FAT4: variants seen among roughly 807,000 people sequenced by gnomAD.
The protein encoded by FAT4 is protocadherin Fat 4.
FAT4 carries 84 observed loss-of-function variants against 303.9 expected under a neutral mutation model. The observed-to-expected ratio is 0.28, with a 90% confidence interval of 0.23 to 0.33. The LOEUF (loss-of-function observed/expected upper bound fraction) is 0.33. Ranked by LOEUF, FAT4 falls within the 10% of genes least tolerant of loss-of-function variation. FAT4 has a pLI of 1.00. For synonymous variants in FAT4, 2,307 were observed against 2,298.8 expected (o/e 1.00, Z -0.10); for missense variants, 6,005 against 6,146.8 (o/e 0.98, Z 0.77).
In FAT4 at chr4:125,491,908, C is replaced by A; in HGVS notation, c.*140C>A. 2 of 785,780 alleles carry A rather than the reference C, an allele frequency of 2.5e-6. No homozygotes were observed. The highest frequency in any genetic ancestry group is 4.0e-6 in the Non-Finnish European group (2 of 503,084). The allele number at this position is 785,780 out of a possible 1,614,324, so 48.7% of individuals were successfully genotyped here. A position where few individuals can be genotyped will look rare whatever the true frequency, so the allele number is the denominator to read the frequency against. On this transcript the variant is annotated 3_prime_UTR_variant, in exon 18 of 18. Transcript: ENST00000394329. ...GGAGGGAAAACTTTAAAAATAATAA[C>A]CACAATGCTGCTGAAACAGACTCAC...
intron 2 of FAT4, among the ~76,000 whole-genome samples, chr4:125,384,219 A>T (rs1445750319): frequency 6.6e-6 from 1 of 152,192 alleles, no homozygotes; most frequent in African/African-American, 2.4e-5. Context: ...TGTGATAGCT[A>T]TATTTAACAT....
chr4:125,346,444 A>T (rs1732007874), intron 2 of FAT4, among the ~76,000 whole-genome samples: 1 of 151,938 alleles, frequency 6.6e-6, no homozygotes, highest in Admixed American at 6.6e-5. Context: ...TGAGCACAAA[A>T]CCTCATTTTC....
intron 2 of FAT4, among the ~76,000 whole-genome samples, chr4:125,330,055 T>C (rs962036321): frequency 6.6e-6 from 1 of 152,188 alleles, no homozygotes; most frequent in Non-Finnish European, 1.5e-5. Flanking sequence ...ACAGTGTTCC[T>C]ATTGTTCTCT....
In FAT4 at chr4:125,487,530, C is replaced by T. The variant is rs1263994229; in HGVS notation, c.13008C>T (p.Asp4336=). The T allele has an allele frequency of 6.2e-7, 1 of 1,613,776 alleles. No individual in the cohort carries two copies. The highest frequency in any genetic ancestry group is 1.3e-5 in the African/African-American group (1 of 74,912). Reference sequence around the variant, plus strand: ...GAGATATTATCCACCCTACTCAGGACTTCGGTGGCCTTGATGTGCTTACTA... The same window carrying T: ...GAGATATTATCCACCCTACTCAGGATTTCGGTGGCCTTGATGTGCTTACTA... The part of the protein sequence containing the change: ...YNRDIIHPTQ[D]FGGLDVLTIS... Residue 4336 remains aspartate, a synonymous_variant, in exon 17 of 18, where the codon GAC becomes GAT. Transcript: ENST00000394329.
intron 3 of FAT4, 114 bp from the exon 4 acceptor site, chr4:125,406,763 TATC>T (rs1734627700): frequency 1.8e-6 from 2 of 1,102,274 alleles, no homozygotes; most frequent in African/African-American, 3.2e-5. Context: ...AGTCTTATAA[TATC>T]ATATGAACTT....
chr4:125,320,162 A>C lies in FAT4; in HGVS notation c.3751A>C (p.Lys1251Gln), dbSNP rs767785086. ...TGGACTTATTCACTATTCTATAATA[A>C]AAGGAAATGAAGAAAGACAGTTTGC... ...NNGLIHYSII[K>Q]GNEERQFAID... The change falls in exon 2 of 18, where the codon AAA becomes CAA. Residue 1251 changes from lysine to glutamine, a missense_variant. Lys to Gln is a moderately conservative substitution (Grantham distance 53, BLOSUM62 1). Transcript: ENST00000394329. 6.2e-7 allele frequency: 1 copy of C among 1,614,018 alleles called. No individual in the cohort carries two copies. Among genetic ancestry groups the C allele is most frequent in the Non-Finnish European group, 8.5e-7 (1 of 1,179,900 alleles).
intron 2 of FAT4, among the ~76,000 whole-genome samples, chr4:125,391,109 G>A (rs989010780): frequency 3.3e-5 from 5 of 152,100 alleles, no homozygotes; most frequent in African/African-American, 1.2e-4. Context: ...GAAGACAATG[G>A]CAATTCCTCA....
At chr4:125,350,941 G>A (rs113410844) in intron 2 of FAT4, among the ~76,000 whole-genome samples, 6 of 151,560 alleles carry the variant, frequency 4.0e-5, no homozygotes, top group African/African-American at 1.2e-4. Flanking sequence ...CTGACAGTTT[G>A]GAATGAAAGG....
At chr4:125,414,039 C>T (rs7661810) in intron 5 of FAT4, among the ~76,000 whole-genome samples, 151,027 of 152,090 alleles carry the variant, frequency 0.99, 74,990 homozygotes, top group Middle Eastern at 1. Context: ...CACATCGTTA[C>T]AGGCCAGAGA....
At chr4:125,351,199 T>C (rs532812675) in intron 2 of FAT4, among the ~76,000 whole-genome samples, 1 of 151,896 alleles carries the variant, frequency 6.6e-6, no homozygotes, top group African/African-American at 2.4e-5. Context: ...TATGATTTTC[T>C]AATTTTAGGA....
intron 2 of FAT4, among the ~76,000 whole-genome samples, chr4:125,344,238 A>C (rs1731913035): frequency 6.6e-6 from 1 of 152,144 alleles, no homozygotes; most frequent in South Asian, 2.1e-4. Context: ...TCTACTCTTG[A>C]TTCCCCTTTT....
intron 5 of FAT4, among the ~76,000 whole-genome samples, chr4:125,413,294 A>G (rs1474466914): frequency 6.6e-6 from 1 of 151,742 alleles, no homozygotes; most frequent in Non-Finnish European, 1.5e-5. Context: ...CTGCGGGTGA[A>G]TTGACCTCTG....
intron 12 of FAT4, 145 bp downstream of exon 12, chr4:125,468,964 T>C: frequency 1.2e-6 from 1 of 823,502 alleles, no homozygotes; most frequent in South Asian, 2.0e-5. Context: ...ATTTTTCTTT[T>C]GCTCATGACA....
intron 3 of FAT4, among the ~76,000 whole-genome samples, chr4:125,402,669 A>G (rs574008585): frequency 1.3e-5 from 2 of 152,072 alleles, no homozygotes; most frequent in South Asian, 2.1e-4. Flanking sequence ...ATCTCCTTAT[A>G]TGTTTGACCA....
chr4:125,400,451 T>C (rs1472500476), intron 3 of FAT4, among the ~76,000 whole-genome samples: 1 of 152,042 alleles, frequency 6.6e-6, no homozygotes, highest in Non-Finnish European at 1.5e-5. Context: ...TTCCCAATAT[T>C]TTCTCTTTAA....
Position 125,450,044 on chromosome 4 carries a change from G to A in FAT4, c.9034G>A (p.Asp3012Asn). The A allele has an allele frequency of 1.2e-6, 2 of 1,613,900 alleles. No individual in the cohort carries two copies. The highest frequency in any genetic ancestry group is 1.1e-5 in the South Asian group (1 of 91,062). Residue 3012 changes from aspartate (D) to asparagine (N), a missense_variant, in exon 10 of 18, where the codon GAC becomes AAC. By Grantham distance (23) the Asp-to-Asn change is conservative. Transcript: ENST00000394329. ...GTTAATCAGAGTTACAGCAATAGAT[G>A]ACAAAGATTTTGGACTGAATTCAGA... ...TKLIRVTAIDDKDFGLNSEVE... is the reference protein window; with the variant it reads ...TKLIRVTAIDNKDFGLNSEVE...
intron 11 of FAT4, among the ~76,000 whole-genome samples, chr4:125,464,499 T>G (rs2126072345): frequency 6.6e-6 from 1 of 152,072 alleles, no homozygotes; most frequent in African/African-American, 2.4e-5. Context: ...TTTTTTTTTT[T>G]GTCCCCTTTG....
chr4:125,475,563 TTA>T (rs1726998358), intron 12 of FAT4, among the ~76,000 whole-genome samples: 1 of 152,132 alleles, frequency 6.6e-6, no homozygotes, highest in Non-Finnish European at 1.5e-5. Context: ...TACATCCTGA[TTA>T]TACAGAAATA....
At chr4:125,437,036 G>T (rs939665287) in intron 8 of FAT4, among the ~76,000 whole-genome samples, 17 of 151,938 alleles carry the variant, frequency 1.1e-4, no homozygotes, top group East Asian at 1.9e-4. Context: ...TGTATTTTTA[G>T]TTGAGATGGG....
Sources: allele counts gnomAD v4.1 joint callset (sites outside exome capture counted in the v4.1 genomes callset), GRCh38; gene constraint gnomAD v4.1.1; transcripts MANE v1.5; gene names NCBI Gene and HGNC (gene_info 2026-07-23, HGNC 2026-07-21).